The following SNX29 variants were observed in gnomAD, a reference collection of about 807,000 sequenced individuals.
SNX29 encodes sorting nexin-29.
Under a neutral mutation model 102.1 loss-of-function variants are expected in SNX29, and 78 were observed. The ratio of observed to expected loss-of-function variants is 0.76; its 90% CI spans 0.64 to 0.92. The LOEUF is 0.92. SNX29 is among the 40% of genes least tolerant of loss of function. The pLI is 0.00. For missense variants in SNX29, 1,280 were observed against 1,061.7 expected (o/e 1.21, Z -2.86); for synonymous variants, 580 against 414.5 (o/e 1.40, Z -4.85).
In SNX29 at chr16:12,046,455, G is replaced by C; in HGVS notation, c.499+1G>C. 6.2e-7 allele frequency: 1 copy of C among 1,613,770 alleles called. No individual in the cohort carries two copies. The highest frequency in any genetic ancestry group is 8.5e-7 in the Non-Finnish European group (1 of 1,179,726). On this transcript the variant is annotated splice_donor_variant, in intron 6 of 20. Transcript: ENST00000566228. LOFTEE classifies it high-confidence loss of function. ...AGTATGCTTCCTACCATGGCAGCAG[G>C]TAAGCCTGGCCCAGACCAGGGTGCA...
chr16:12,473,491 G>C (rs1010135141), intron 18 of SNX29, among the ~76,000 whole-genome samples: 1 of 152,148 alleles, frequency 6.6e-6, no homozygotes, highest in African/African-American at 2.4e-5. Flanking sequence ...GGGGTTCCTG[G>C]TGCCTTCAGG....
intron 15 of SNX29, among the ~76,000 whole-genome samples, chr16:12,335,683 G>T (rs1037999131): frequency 1.3e-5 from 2 of 152,084 alleles, no homozygotes; most frequent in Non-Finnish European, 2.9e-5. Context: ...CAGCGTTGGG[G>T]GTTTGGGGGA....
intron 20 of SNX29, among the ~76,000 whole-genome samples, chr16:12,568,098 C>G (rs116959767): frequency 6.6e-6 from 1 of 152,194 alleles, no homozygotes; most frequent in African/African-American, 2.4e-5. Flanking sequence ...CTGTGTTTTG[C>G]TACGCATCTT....
chr16:12,236,190 C>T (rs548990295), intron 14 of SNX29, among the ~76,000 whole-genome samples: 1 of 152,166 alleles, frequency 6.6e-6, no homozygotes, highest in East Asian at 1.9e-4. Flanking sequence ...CCACTGTTGC[C>T]CCAACAGTTA....
chr16:12,355,530 T>C (rs1214196777), intron 15 of SNX29, among the ~76,000 whole-genome samples: 2 of 152,152 alleles, frequency 1.3e-5, no homozygotes, highest in Admixed American at 6.5e-5. Context: ...TTAAAGATGC[T>C]TGCAGGATTC....
intron 3 of SNX29, among the ~76,000 whole-genome samples, chr16:12,006,480 C>T (rs549142784): frequency 5.3e-4 from 77 of 145,760 alleles, no homozygotes; most frequent in African/African-American, 1.7e-3. Context: ...TGCGCCATTG[C>T]GTTCCAGCCT....
At chr16:12,330,637 G>A (rs1215751245) in intron 15 of SNX29, among the ~76,000 whole-genome samples, 1 of 152,214 alleles carries the variant, frequency 6.6e-6, no homozygotes, top group African/African-American at 2.4e-5. Context: ...ATCTTTGCAG[G>A]CAGCGGAGCC....
At chr16:12,491,365 G>T (rs1464669349) in intron 19 of SNX29, among the ~76,000 whole-genome samples, 1 of 152,214 alleles carries the variant, frequency 6.6e-6, no homozygotes, top group Non-Finnish European at 1.5e-5. Context: ...CAAGATGGCA[G>T]CACCAGTGGT....
chr16:12,169,419 G>A (rs2076093519), intron 13 of SNX29, among the ~76,000 whole-genome samples: 2 of 152,210 alleles, frequency 1.3e-5, no homozygotes, highest in Non-Finnish European at 2.9e-5. Context: ...AGGAGGCCAT[G>A]TGGGTCTTGT....
chr16:12,206,868 G>C (rs2077058168), intron 14 of SNX29, among the ~76,000 whole-genome samples: 1 of 149,500 alleles, frequency 6.7e-6, no homozygotes, highest in African/African-American at 2.5e-5. Context: ...GTGCAGGTTG[G>C]AGTACAGCGT....
chr16:12,443,384 C>A (rs570701801), intron 18 of SNX29: 2 of 160,718 alleles, frequency 1.2e-5, no homozygotes, highest in South Asian at 1.7e-4. Flanking sequence ...ACATGTTTTA[C>A]CTTTTCTTCT....
At chr16:12,227,230 A>G (rs959379453) in intron 14 of SNX29, among the ~76,000 whole-genome samples, 8 of 152,152 alleles carry the variant, frequency 5.3e-5, no homozygotes, top group African/African-American at 1.7e-4. Flanking sequence ...ACAGAGCTGA[A>G]TGTTCCGATC....
rs529311863 is a variant in SNX29 at position 12,565,169 on chromosome 16, C to A, written c.2319-3337C>A. Among the ~76,000 whole-genome samples the A allele has an allele frequency of 1.7e-4, 26 of 152,260 alleles. No individual in the cohort carries two copies. The East Asian group carries it at 3.9e-3, about 23-fold the overall frequency. ...CTTTGCCAGTTTACATACTCCCAGT[C>A]CTACCCAACCCCCCACCTTCAGATT... is the stretch of plus-strand genomic sequence containing the variant. On this transcript the variant is annotated intron_variant, in intron 20 of 20. Transcript: ENST00000566228.
chr16:12,197,766 C>G (rs185559783), intron 13 of SNX29, among the ~76,000 whole-genome samples: 2 of 152,182 alleles, frequency 1.3e-5, no homozygotes, highest in Non-Finnish European at 2.9e-5. Context: ...AAGGGACTCC[C>G]TTGTGGTTTA....
chr16:12,254,416 A>G (rs2078508104), intron 14 of SNX29, among the ~76,000 whole-genome samples: 1 of 152,140 alleles, frequency 6.6e-6, no homozygotes, highest in African/African-American at 2.4e-5. Context: ...TTGGGAGGCC[A>G]AGGCGGGCAG....
In SNX29 at chr16:12,097,138, G is replaced by A. The variant is rs567466777; in HGVS notation, c.1402+18223G>A. On this transcript the variant is annotated intron_variant, in intron 11 of 20. Coordinates refer to ENST00000566228, the MANE Select transcript of SNX29 (RefSeq NM_032167.5). ...TCGCCATTATGAAGCCCTTGAGGAA[G>A]CATTGGTGATGGTGCTGCCGAGTAC... Among the ~76,000 whole-genome samples the A allele has an allele frequency of 2.0e-5, 3 of 152,354 alleles. No individual in the cohort carries two copies. The South Asian group carries it at 6.2e-4, about 32-fold the overall frequency.
rs1401270727 is a variant in SNX29, at chr16:12,098,125, G to A, written c.1402+19210G>A. Among the ~76,000 whole-genome samples the A allele has an allele frequency of 6.6e-6, 1 of 152,184 alleles. No individual in the cohort carries two copies. The highest frequency in any genetic ancestry group is 1.5e-5 in the Non-Finnish European group (1 of 68,038). On this transcript the variant is annotated intron_variant, in intron 11 of 20. Coordinates refer to ENST00000566228, the MANE Select transcript of SNX29 (RefSeq NM_032167.5). The surrounding 1 kb of genome is among the most constrained non-coding windows in gnomAD (Gnocchi z 6.0). Reference sequence around the variant, plus strand: ...CCCAGAGGACGCTCAGTACGTGGCCGGGGTGCTTACGTTTTGGTTGCAGCC... The same window carrying A: ...CCCAGAGGACGCTCAGTACGTGGCCAGGGTGCTTACGTTTTGGTTGCAGCC...
chr16:12,089,423 C>T (rs1157997555), intron 11 of SNX29, among the ~76,000 whole-genome samples: 1 of 152,194 alleles, frequency 6.6e-6, no homozygotes, highest in Admixed American at 6.5e-5. Flanking sequence ...CGCCACACTG[C>T]TACTCTTGGT....
chr16:12,468,141 C>G (rs2087151162), intron 18 of SNX29, among the ~76,000 whole-genome samples: 1 of 149,998 alleles, frequency 6.7e-6, no homozygotes, highest in South Asian at 2.1e-4. Context: ...TACAGCTGTT[C>G]CCCTTCCAGG....
Sources: gnomAD v4.1 joint callset for allele counts (sites outside exome capture counted in the v4.1 genomes callset) on GRCh38, gnomAD v4.1.1 for gene constraint, Gnocchi (gnomAD v3.1) non-coding constraint, MANE v1.5 for transcripts, NCBI Gene and HGNC (gene_info 2026-07-23, HGNC 2026-07-21) for gene names.